The following CRLF3 variants were observed in gnomAD, a reference collection of about 807,000 sequenced individuals.
CRLF3 encodes cytokine receptor like factor 3, also known as cytokine receptor-like factor 3.
CRLF3 carries 33 observed loss-of-function variants against 55.0 expected under a neutral mutation model. The ratio of observed to expected loss-of-function variants is 0.60; its 90% CI spans 0.46 to 0.80. The LOEUF (loss-of-function observed/expected upper bound fraction) is 0.80. CRLF3 is among the 30% of genes least tolerant of loss of function. The probability of loss-of-function intolerance (pLI) is 0.00; values close to 1 mark genes in which losing one functional copy is unlikely to be tolerated. For missense variants in CRLF3, 494 were observed against 538.4 expected (o/e 0.92, Z 0.82); for synonymous variants, 238 against 196.8 (o/e 1.21, Z -1.75).
At chr17:30,811,831 C>T (rs1410278748) in intron 1 of CRLF3, among the ~76,000 whole-genome samples, 2 of 121,420 alleles carry the variant, frequency 1.6e-5, no homozygotes, top group African/African-American at 3.1e-5. Flanking sequence ...AAAAAAAAGG[C>T]CAGGTGCGGT....
intron 6 of CRLF3, among the ~76,000 whole-genome samples, chr17:30,788,598 T>TC (rs1971707170): frequency 2.3e-5 from 3 of 131,092 alleles, no homozygotes. Context: ...AGTAGTGCCT[T>TC]CTTTTTTTTT....
intron 6 of CRLF3, chr17:30,786,388 G>T (rs746317997): frequency 6.1e-6 from 1 of 162,632 alleles, no homozygotes; most frequent in African/African-American, 2.4e-5. Context: ...ACAGGTGCCC[G>T]CCACCATACC....
intron 1 of CRLF3, among the ~76,000 whole-genome samples, chr17:30,812,544 A>G (rs1043591470): frequency 1.3e-5 from 2 of 152,170 alleles, no homozygotes; most frequent in Non-Finnish European, 2.9e-5. Context: ...TTTTAGAAAA[A>G]AAAGTGCTTA....
intron 1 of CRLF3, among the ~76,000 whole-genome samples, chr17:30,808,213 C>T (rs936069042): frequency 1.3e-5 from 2 of 151,950 alleles, no homozygotes; most frequent in East Asian, 3.9e-4. Flanking sequence ...TCTCAGGCCC[C>T]ACCCAGAACT....
chr17:30,788,006 A>C (rs933025985), intron 6 of CRLF3, among the ~76,000 whole-genome samples: 1 of 150,888 alleles, frequency 6.6e-6, no homozygotes, highest in African/African-American at 2.4e-5. Flanking sequence ...TCTTAAACAA[A>C]AAGAGGGGGA....
chr17:30,796,938 G>C, intron 3 of CRLF3, among the ~76,000 whole-genome samples: 1 of 151,950 alleles, frequency 6.6e-6, no homozygotes, highest in South Asian at 2.1e-4. Context: ...TCTTGCTGTT[G>C]CCCAGGCTGG....
At chr17:30,801,163 T>A (rs1170831561) in intron 2 of CRLF3, 1 of 152,020 alleles carries the variant, frequency 6.6e-6, no homozygotes, top group Admixed American at 6.6e-5. Context: ...ATGATCCTCC[T>A]CTCCTGTCTA....
At position 30,782,912 on chromosome 17, in the gene CRLF3, A is replaced by T. The variant is rs1971528328; in HGVS notation, c.*1275T>A. On this transcript the variant is annotated 3_prime_UTR_variant, in exon 8 of 8. Coordinates refer to ENST00000324238, the MANE Select transcript of CRLF3 (RefSeq NM_015986.4). ...TTACTATACTGGTAAAAATGAAATG[A>T]AAAAAATAATTCACATTAAAATAAA... is the stretch of plus-strand genomic sequence containing the variant. The T allele has an allele frequency of 6.6e-6, 1 of 151,924 alleles. No individual in the cohort carries two copies. The highest frequency in any genetic ancestry group is 2.1e-4 in the South Asian group (1 of 4,816). The allele number at this position is 151,924 out of a possible 1,614,324, so 9.4% of individuals were successfully genotyped here.
intron 1 of CRLF3, among the ~76,000 whole-genome samples, chr17:30,811,803 CA>C (rs915710879): frequency 0.23 from 6,516 of 27,802 alleles, 62 homozygotes; most frequent in African/African-American, 0.28. Context: ...GACTCTGTCT[CA>C]AAAAAAAAAA....
rs766690787 is a variant in CRLF3 at position 30,792,543 on chromosome 17, G to C, written c.856C>G (p.Leu286Val). The change falls in exon 6 of 8, where the codon CTG becomes GTG. Residue 286 changes from leucine (L) to valine (V), a missense_variant. Leu to Val is a conservative substitution (Grantham distance 32, BLOSUM62 1). Coordinates refer to ENST00000324238, the MANE Select transcript of CRLF3 (RefSeq NM_015986.4). ...EWTAGFEGYS[L>V]SSRRNIALRN... ...AGTGCTATATTTCTTCGACTGCTCA[G>C]ACTGTACCCCTCAAAACCAGCTGTC... 1 of 1,607,806 alleles carries C rather than the reference G, an allele frequency of 6.2e-7. No homozygotes were observed. Among genetic ancestry groups the C allele is most frequent in the South Asian group, 1.1e-5 (1 of 90,808 alleles).
intron 2 of CRLF3, 169 bp downstream of exon 2, chr17:30,803,732 T>A: frequency 1.6e-6 from 1 of 640,536 alleles, no homozygotes; most frequent in Admixed American, 2.7e-5. Flanking sequence ...TCTGCCGCCA[T>A]GTGAGATGTG....
At chr17:30,818,175 G>A (rs959904819) in intron 1 of CRLF3, among the ~76,000 whole-genome samples, 3 of 151,744 alleles carry the variant, frequency 2.0e-5, no homozygotes, top group African/African-American at 7.3e-5. Context: ...CAAGAGAATT[G>A]CTTGAACCTG....
intron 6 of CRLF3, 83 bp from the exon 7 acceptor site, chr17:30,786,114 C>T (rs1971641562): frequency 2.6e-6 from 2 of 762,034 alleles, no homozygotes; most frequent in African/African-American, 3.5e-5. Flanking sequence ...TTAAAAAGAG[C>T]AATCTCACCA....
At chr17:30,802,271 C>T (rs950103479) in intron 2 of CRLF3, among the ~76,000 whole-genome samples, 8 of 151,638 alleles carry the variant, frequency 5.3e-5, no homozygotes, top group African/African-American at 1.7e-4. Flanking sequence ...TACAGGCATG[C>T]GCTGCCACGC....
Position 30,793,592 on chromosome 17 carries a change from T to A in CRLF3, c.684A>T (p.Val228=). The A allele has an allele frequency of 6.2e-7, 1 of 1,614,048 alleles. No homozygotes were observed. Among genetic ancestry groups the A allele is most frequent in the Non-Finnish European group, 8.5e-7 (1 of 1,179,932 alleles). ...ATACTATGAATTCAGTTTCAGAACC[T>A]ACATATACATCCTCAAAATGATTTG... The part of the protein sequence containing the change: ...CTSNHFEDVY[V]GSETEFIVLH... The change falls in exon 5 of 8, where the codon GTA becomes GTT. Residue 228 remains valine (V), a synonymous_variant. Coordinates refer to ENST00000324238, the MANE Select transcript of CRLF3 (RefSeq NM_015986.4).
intron 1 of CRLF3, among the ~76,000 whole-genome samples, chr17:30,816,488 C>CTTTTTTTTT (rs1183953028): frequency 9.4e-5 from 11 of 117,484 alleles, no homozygotes; most frequent in Non-Finnish European, 1.3e-4. Flanking sequence ...TTCTTTCTTT[C>CTTTTTTTTT]TTTTTTTTTT....
chr17:30,804,980 C>T (rs1904341543), intron 1 of CRLF3, among the ~76,000 whole-genome samples: 1 of 152,032 alleles, frequency 6.6e-6, no homozygotes, highest in Non-Finnish European at 1.5e-5. Context: ...GTCAGGAGTT[C>T]AAGACCAGCC....
At chr17:30,806,875 T>C (rs1357247328) in intron 1 of CRLF3, among the ~76,000 whole-genome samples, 1 of 152,098 alleles carries the variant, frequency 6.6e-6, no homozygotes, top group East Asian at 1.9e-4. Flanking sequence ...CTTCAAGCAA[T>C]CCTCCCACCT....
chr17:30,791,499 G>A (rs1007872969), intron 6 of CRLF3, among the ~76,000 whole-genome samples: 26 of 151,490 alleles, frequency 1.7e-4, no homozygotes, highest in Admixed American at 1.3e-3. Context: ...GAGCCACTGC[G>A]TCCAGTCTCT....
Sources: allele counts gnomAD v4.1 joint callset (sites outside exome capture counted in the v4.1 genomes callset), GRCh38; gene constraint gnomAD v4.1.1; transcripts MANE v1.5; gene names NCBI Gene and HGNC (gene_info 2026-07-23, HGNC 2026-07-21).